MEF2C: variants seen among roughly 807,000 people sequenced by gnomAD.
MEF2C encodes the protein myocyte-specific enhancer factor 2C.
MEF2C carries 6 observed loss-of-function variants against 50.5 expected under a neutral mutation model. That is an observed-to-expected ratio of 0.12 (90% CI 0.07 to 0.23). The LOEUF (loss-of-function observed/expected upper bound fraction) is 0.23, where lower values mean the gene tolerates loss of function less well. MEF2C is among the 10% of genes least tolerant of loss of function. The pLI, the probability that MEF2C is intolerant of heterozygous loss-of-function variation, is 1.00. For missense variants in MEF2C, 276 were observed against 605.0 expected (o/e 0.46, Z 5.70); for synonymous variants, 183 against 228.0 (o/e 0.80, Z 1.78).
intron 1 of MEF2C, among the ~76,000 whole-genome samples, chr5:88,895,331 T>C (rs988047731): frequency 2.6e-5 from 4 of 152,176 alleles, no homozygotes; most frequent in African/African-American, 9.7e-5. Context: ...ATTATCCTTG[T>C]CAGTGTTCTA....
intron 3 of MEF2C, among the ~76,000 whole-genome samples, chr5:88,767,276 T>A (rs576551513): frequency 1.3e-5 from 2 of 152,358 alleles, no homozygotes; most frequent in East Asian, 3.8e-4. Context: ...TAACATTGTA[T>A]GGTTTTTGCC....
chr5:88,847,368 G>A (rs1468151588), intron 1 of MEF2C, among the ~76,000 whole-genome samples: 2 of 152,076 alleles, frequency 1.3e-5, no homozygotes, highest in African/African-American at 4.8e-5. Flanking sequence ...TATCACTTTA[G>A]CCCTAGAATA....
In MEF2C at chr5:88,731,875, A is replaced by G; in HGVS notation, c.664T>C (p.Ser222Pro). The G allele has an allele frequency of 6.2e-7, 1 of 1,612,896 alleles. No homozygotes were observed. Among genetic ancestry groups the G allele is most frequent in the Non-Finnish European group, 8.5e-7 (1 of 1,179,264 alleles). Residue 222 changes from serine to proline, a missense_variant, in exon 7 of 11, where the codon TCA becomes CCA. This residue lies in a region of MEF2C where 256 missense variants were observed against 468.1 expected (regional missense o/e 0.55). Coordinates refer to ENST00000504921, the MANE Select transcript of MEF2C (RefSeq NM_002397.5). Reference sequence around the variant, plus strand: ...CCAGGTGAGACCAGCAGACCTGGTGAGTTTCGGGGATTGCCATACCCGTTC... The same window carrying G: ...CCAGGTGAGACCAGCAGACCTGGTGGGTTTCGGGGATTGCCATACCCGTTC... ...AGNGYGNPRN[S>P]PGLLVSPGNL...
intron 4 of MEF2C, among the ~76,000 whole-genome samples, chr5:88,755,586 G>C (rs542005344): frequency 1.3e-5 from 2 of 152,124 alleles, no homozygotes; most frequent in Non-Finnish European, 2.9e-5. Context: ...AGTGTCTCAG[G>C]TTTTAGGAAA....
chr5:88,869,408 A>G (rs961594495), intron 1 of MEF2C, among the ~76,000 whole-genome samples: 1 of 150,632 alleles, frequency 6.6e-6, no homozygotes, highest in Non-Finnish European at 1.5e-5. Flanking sequence ...TATTTAAAAA[A>G]GTTTAATTTT....
At chr5:88,850,077 C>A (rs1179705650) in intron 1 of MEF2C, among the ~76,000 whole-genome samples, 1 of 145,454 alleles carries the variant, frequency 6.9e-6, no homozygotes, top group Admixed American at 7.0e-5. Flanking sequence ...CTAAGGCTAT[C>A]CCTCCCCGCC....
intron 3 of MEF2C, among the ~76,000 whole-genome samples, chr5:88,800,624 G>C (rs1364644084): frequency 6.6e-6 from 1 of 152,156 alleles, no homozygotes; most frequent in Non-Finnish European, 1.5e-5. Flanking sequence ...TGCTGTCTTA[G>C]ACAGCTAAGA....
At chr5:88,863,824 CTTT>C (rs369890636) in intron 1 of MEF2C, among the ~76,000 whole-genome samples, 3 of 142,608 alleles carry the variant, frequency 2.1e-5, no homozygotes, top group Non-Finnish European at 1.5e-5. Context: ...ATTTCTTTTT[CTTT>C]TTTTTTTTTT....
At chr5:88,800,523 T>A (rs939229437) in intron 3 of MEF2C, among the ~76,000 whole-genome samples, 3 of 152,198 alleles carry the variant, frequency 2.0e-5, no homozygotes, top group Non-Finnish European at 4.4e-5. Context: ...TGTAAGCATG[T>A]CCTGTGGGAT....
intron 3 of MEF2C, chr5:88,771,730 G>T: frequency 2.3e-6 from 1 of 430,178 alleles, no homozygotes; most frequent in Non-Finnish European, 3.1e-6. Context: ...TGAGTTGGGT[G>T]GTCTTGTAGA....
chr5:88,838,964 A>C (rs1298258595), intron 1 of MEF2C, among the ~76,000 whole-genome samples: 1 of 152,182 alleles, frequency 6.6e-6, no homozygotes, highest in African/African-American at 2.4e-5. Flanking sequence ...ACACACGCCT[A>C]ATAAAATATA....
intron 1 of MEF2C, among the ~76,000 whole-genome samples, chr5:88,881,888 G>A (rs1252051951): frequency 3.3e-5 from 5 of 152,140 alleles, no homozygotes; most frequent in Non-Finnish European, 7.4e-5. Context: ...ATTCTCCACT[G>A]AGGACCGGTT....
intron 10 of MEF2C, among the ~76,000 whole-genome samples, chr5:88,727,173 G>T (rs1759218172): frequency 6.6e-6 from 1 of 152,054 alleles, no homozygotes; most frequent in African/African-American, 2.4e-5. Context: ...ATGTCTACTT[G>T]AATAGTTAAC....
chr5:88,869,483 A>T (rs928712381), intron 1 of MEF2C, among the ~76,000 whole-genome samples: 7 of 151,416 alleles, frequency 4.6e-5, no homozygotes, highest in African/African-American at 1.7e-4. Context: ...GCACTTAAGT[A>T]CCTTTTTAAA....
intron 1 of MEF2C, among the ~76,000 whole-genome samples, chr5:88,870,889 A>G (rs1829306152): frequency 1.3e-5 from 2 of 152,090 alleles, no homozygotes; most frequent in African/African-American, 2.4e-5. Context: ...TTATGTGGGT[A>G]TTGTATTGAC....
intron 1 of MEF2C, among the ~76,000 whole-genome samples, chr5:88,893,507 G>C (rs1582029173): frequency 6.6e-6 from 1 of 151,898 alleles, no homozygotes; most frequent in South Asian, 2.1e-4. Flanking sequence ...ACAGGCTTGA[G>C]CTACTGTACC....
intron 1 of MEF2C, among the ~76,000 whole-genome samples, chr5:88,865,464 A>C (rs1251956318): frequency 6.6e-6 from 1 of 152,200 alleles, no homozygotes; most frequent in East Asian, 1.9e-4. Context: ...AATATTACTA[A>C]TAAGTTTATG....
At chr5:88,869,722 GATT>G (rs974467320) in intron 1 of MEF2C, among the ~76,000 whole-genome samples, 15 of 150,002 alleles carry the variant, frequency 1.0e-4, no homozygotes, top group Admixed American at 2.7e-4. Context: ...AACAAAAACT[GATT>G]TTTTATTAAG....
Position 88,799,870 on chromosome 5 carries a change from TCACACACACACACA to T in MEF2C, c.258+4714_258+4727del, listed in dbSNP as rs60340884. Among the ~76,000 whole-genome samples, 19 of 107,524 alleles carry T rather than the reference TCACACACACACACA, an allele frequency of 1.8e-4. 1 individual carries two copies. The highest frequency in any genetic ancestry group is 4.8e-4 in the Admixed American group (5 of 10,418). 70.5% of individuals were successfully genotyped at this position (107,524 alleles called of 152,430 possible). ...TTCCTTCTCTCTCTCTCTCTCTCTCTCACACACACACACACACACACACACACACACACACACAC... is the reference window on the plus strand; with the variant it reads ...TTCCTTCTCTCTCTCTCTCTCTCTCTCACACACACACACACACACACACAC... On this transcript the variant is annotated intron_variant, in intron 3 of 10. Transcript: ENST00000504921.
Sources: allele counts gnomAD v4.1 joint callset (sites outside exome capture counted in the v4.1 genomes callset), GRCh38; gene constraint gnomAD v4.1.1; regional missense constraint gnomAD v4.1.1; transcripts MANE v1.5; gene names NCBI Gene and HGNC (gene_info 2026-07-23, HGNC 2026-07-21).